The following ZNF550 variants were observed in gnomAD, a reference collection of about 807,000 sequenced individuals.
The protein encoded by ZNF550 is zinc finger protein 550.
ZNF550 carries 42 observed loss-of-function variants against 40.2 expected under a neutral mutation model. That is an observed-to-expected ratio of 1.05 (90% confidence interval 0.82 to 1.35). ZNF550 has a LOEUF of 1.35. Among genes scored for constraint, ZNF550 ranks in the 40% most tolerant of loss-of-function variants. ZNF550 has a pLI of 0.00. For synonymous variants in ZNF550, 223 were observed against 198.6 expected, an observed-to-expected ratio of 1.12 and a Z score of -1.03; for missense variants, 549 against 525.2, an observed-to-expected ratio of 1.05 and a Z score of -0.44.
exon 4 of ZNF550, chr19:57,547,984 G>A (rs1416666140): frequency 6.2e-7 from 1 of 1,612,504 alleles, no homozygotes; most frequent in Non-Finnish European, 8.5e-7. Context: ...ATGAACTTGT[G>A]CTCTGTCACC....
At chr19:57,545,386 A>G (rs1222712969) in intron 4 of ZNF550, among the ~76,000 whole-genome samples, 1 of 152,198 alleles carries the variant, frequency 6.6e-6, no homozygotes, top group Non-Finnish European at 1.5e-5. Flanking sequence ...TGTTTTAGCT[A>G]TAATTCAATC....
At chr19:57,559,684 C>T (rs1439066675) in exon 1 of ZNF550, 1 of 1,503,186 alleles carries the variant, frequency 6.7e-7, no homozygotes, top group South Asian at 1.2e-5. Flanking sequence ...CTCCGCCATC[C>T]GACCGTTGGC....
chr19:57,555,931 C>T (rs1031983106), intron 2 of ZNF550: 4 of 384,636 alleles, frequency 1.0e-5, no homozygotes, highest in African/African-American at 2.1e-5. Flanking sequence ...AGCCCATCAC[C>T]CATGGCCCCT....
At chr19:57,544,886 C>T (rs1481537282) in intron 4 of ZNF550, among the ~76,000 whole-genome samples, 1 of 152,254 alleles carries the variant, frequency 6.6e-6, no homozygotes, top group African/African-American at 2.4e-5. Context: ...TTTTGGCAGG[C>T]TGAGGTGGGT....
chr19:57,556,355 C>A (rs1048521662), exon 2 of ZNF550: 3 of 1,612,296 alleles, frequency 1.9e-6, no homozygotes, highest in Non-Finnish European at 2.5e-6. Flanking sequence ...AGGTCACCAA[C>A]ATCTGGAAAG....
chr19:57,559,453 G>C (rs766199136), intron 1 of ZNF550, among the ~76,000 whole-genome samples: 4 of 152,104 alleles, frequency 2.6e-5, no homozygotes, highest in Admixed American at 6.5e-5. Flanking sequence ...ATACCACAAC[G>C]CCGCGCACCC....
chr19:57,547,133 AG>A lies in ZNF550; in HGVS notation c.1110del (p.Tyr371MetfsTer60). 1.2e-6 allele frequency: 2 copies of A among 1,610,802 alleles called. No homozygotes were observed. The highest frequency in any genetic ancestry group is 1.7e-6 in the Non-Finnish European group (2 of 1,177,496). ...GCTTTCCCACACTGGGTGCATTCAT[AG>A]GGCTTCTCCCCAGTGTGAATCCGCT... is the stretch of plus-strand genomic sequence containing the variant. On this transcript the variant is annotated frameshift_variant, in exon 4 of 5. Coordinates refer to ENST00000457177, the Ensembl canonical transcript of ZNF550. LOFTEE classifies it high-confidence loss of function.
chr19:57,552,470 A>G (rs1414261801), intron 3 of ZNF550, 157 bp downstream of exon 3: 4 of 593,808 alleles, frequency 6.7e-6, no homozygotes, highest in African/African-American at 5.6e-5. Flanking sequence ...CTCAGTGCTC[A>G]CCTGATGATG....
intron 4 of ZNF550, among the ~76,000 whole-genome samples, chr19:57,545,823 G>A (rs960204463): frequency 6.6e-6 from 1 of 152,148 alleles, no homozygotes; most frequent in Non-Finnish European, 1.5e-5. Flanking sequence ...GACCAGCCCA[G>A]CCAACATGGT....
intron 3 of ZNF550, among the ~76,000 whole-genome samples, chr19:57,551,672 G>T (rs1487524444): frequency 6.6e-6 from 1 of 152,154 alleles, no homozygotes; most frequent in African/African-American, 2.4e-5. Context: ...GGAGATGTGG[G>T]ATTGAGGGAA....
chr19:57,557,997 G>A (rs1049568272), intron 1 of ZNF550, among the ~76,000 whole-genome samples: 3 of 152,232 alleles, frequency 2.0e-5, no homozygotes, highest in Non-Finnish European at 4.4e-5. Flanking sequence ...TCCCCTGACA[G>A]GCCCAGAGGT....
At chr19:57,543,980 G>C in intron 4 of ZNF550, 1 of 985,320 alleles carries the variant, frequency 1.0e-6, no homozygotes, top group Non-Finnish European at 1.2e-6. Flanking sequence ...ATCATAAACT[G>C]TGGAAAACAT....
chr19:57,543,587 T>C, intron 4 of ZNF550: 1 of 984,082 alleles, frequency 1.0e-6, no homozygotes, highest in Non-Finnish European at 1.2e-6. Flanking sequence ...GCATAGTGCT[T>C]TTTATCTAAT....
At chr19:57,543,628 A>C (rs539306574) in intron 4 of ZNF550, 1 of 985,416 alleles carries the variant, frequency 1.0e-6, no homozygotes, top group Non-Finnish European at 1.2e-6. Flanking sequence ...AGTTACAAAA[A>C]CATGAACATG....
At chr19:57,553,717 C>G (rs1357989755) in intron 2 of ZNF550, 7 of 151,764 alleles carry the variant, frequency 4.6e-5, no homozygotes, top group African/African-American at 1.7e-4. Context: ...CATTTTCTAA[C>G]AAATCTAAAT....
chr19:57,552,357 C>T, intron 3 of ZNF550: 1 of 476,604 alleles, frequency 2.1e-6, no homozygotes, highest in South Asian at 4.9e-5. Flanking sequence ...TATGACTTCT[C>T]CCCTTCTTCT....
chr19:57,547,554 G>T (rs368072547), exon 4 of ZNF550: 3 of 1,614,026 alleles, frequency 1.9e-6, no homozygotes, highest in Non-Finnish European at 2.5e-6. Flanking sequence ...TGCATTCATA[G>T]GGTTTCATTC....
At chr19:57,556,401 G>A (rs761799808) in intron 1 of ZNF550, 44 bp from the exon 2 acceptor site, 12 of 1,586,838 alleles carry the variant, frequency 7.6e-6, no homozygotes, top group Middle Eastern at 1.7e-4. Flanking sequence ...TTGTGTTGTC[G>A]CATAGGATCA....
chr19:57,559,895 T>G, upstream of ZNF550: 1 of 434,716 alleles, frequency 2.3e-6, no homozygotes, highest in Admixed American at 3.9e-5. Flanking sequence ...GCCACGCCTT[T>G]TCCTGCGCCG....
Sources: gnomAD v4.1 joint callset for allele counts (sites outside exome capture counted in the v4.1 genomes callset) on GRCh38, gnomAD v4.1.1 for gene constraint, MANE v1.5 for transcripts, NCBI Gene and HGNC (gene_info 2026-07-23, HGNC 2026-07-21) for gene names.